Variants in SV2C observed in about 807,000 individuals in gnomAD.
The protein encoded by SV2C is solute carrier family 22 member B3.
A neutral mutation model predicts 79.7 loss-of-function variants in SV2C; 49 were observed. The ratio of observed to expected loss-of-function variants is 0.61; its 90% CI spans 0.49 to 0.78. The LOEUF is 0.78. Ranked by LOEUF, SV2C falls within the 30% of genes least tolerant of loss-of-function variation. SV2C has a pLI of 0.00. For synonymous variants in SV2C, 334 were observed against 333.2 expected (o/e 1.00, Z -0.03); for missense variants, 833 against 912.9 (o/e 0.91, Z 1.13).
intron 10 of SV2C, among the ~76,000 whole-genome samples, chr5:76,300,141 C>T (rs1245563432): frequency 4.4e-5 from 6 of 135,118 alleles, no homozygotes; most frequent in East Asian, 2.2e-4. Context: ...CAGCTCACTG[C>T]GGCCTCAAAT....
In SV2C at chr5:76,332,035, T is replaced by G. The variant is rs1749201942; in HGVS notation, c.*6488T>G. 1 of 152,204 alleles carries G rather than the reference T, an allele frequency of 6.6e-6. No individual in the cohort carries two copies. 9.4% of individuals were successfully genotyped at this position (152,204 alleles called of 1,614,324 possible). On this transcript the variant is annotated 3_prime_UTR_variant, in exon 13 of 13. Coordinates refer to ENST00000502798, the MANE Select transcript of SV2C (RefSeq NM_014979.4). ...TCCTACCTGGGTTCTTGAGATTCATTGGCTAGTGGAGGTAGATGGTACTCT... is the reference window on the plus strand; with the variant it reads ...TCCTACCTGGGTTCTTGAGATTCATGGGCTAGTGGAGGTAGATGGTACTCT...
intron 1 of SV2C, among the ~76,000 whole-genome samples, chr5:76,104,502 G>A (rs764694678): frequency 3.9e-5 from 6 of 152,124 alleles, no homozygotes; most frequent in Non-Finnish European, 7.4e-5. Flanking sequence ...CTTCTGCCTT[G>A]GTCTCCCAAG....
chr5:76,203,929 T>A (rs1207565843), intron 3 of SV2C, among the ~76,000 whole-genome samples: 1 of 152,234 alleles, frequency 6.6e-6, no homozygotes, highest in African/African-American at 2.4e-5. Context: ...ATGAGTTAGG[T>A]TACCAGTATG....
At chr5:76,275,973 G>A (rs1747011889) in intron 4 of SV2C, among the ~76,000 whole-genome samples, 1 of 152,138 alleles carries the variant, frequency 6.6e-6, no homozygotes. Flanking sequence ...AATATAAAAG[G>A]TTCATTTAAA....
At chr5:75,917,758 G>A in the SV2C span, among the ~76,000 whole-genome samples, 2 of 152,052 alleles carry the variant, frequency 1.3e-5, no homozygotes, top group African/African-American at 4.8e-5. Flanking sequence ...TATTTGATAG[G>A]ACAATAGGGT....
chr5:75,902,070 G>A, the SV2C span, among the ~76,000 whole-genome samples: 3 of 152,178 alleles, frequency 2.0e-5, no homozygotes, highest in Admixed American at 6.5e-5. Flanking sequence ...CCCTGCTTCA[G>A]CTCGTGCATG....
the SV2C span, among the ~76,000 whole-genome samples, chr5:75,927,546 C>A: frequency 6.6e-6 from 1 of 151,928 alleles, no homozygotes; most frequent in African/African-American, 2.4e-5. Context: ...TTCTATTACA[C>A]AAGATGAGAA....
chr5:76,091,415 C>G lies in SV2C; in HGVS notation c.-102+7903C>G, dbSNP rs149828075. ...TGTAGTTCTTGTCTCCTGCTCTGGTCCCTGCAGCAACATCACCACAGTGTT... is the reference window on the plus strand; with the variant it reads ...TGTAGTTCTTGTCTCCTGCTCTGGTGCCTGCAGCAACATCACCACAGTGTT... On this transcript the variant is annotated intron_variant, in intron 1 of 12. Transcript: ENST00000502798. 5.9e-4 allele frequency among the ~76,000 whole-genome samples: 90 copies of G among 152,300 alleles called. 1 individual carries two copies. Among genetic ancestry groups the G allele is most frequent in the African/African-American group, 1.9e-3 (80 of 41,566 alleles).
At chr5:75,968,582 G>A in the SV2C span, among the ~76,000 whole-genome samples, 1 of 152,200 alleles carries the variant, frequency 6.6e-6, no homozygotes, top group Admixed American at 6.5e-5. Context: ...ATCAGCAATG[G>A]AAGATGAAAT....
chr5:75,912,460 C>T, the SV2C span, among the ~76,000 whole-genome samples: 1 of 152,072 alleles, frequency 6.6e-6, no homozygotes, highest in East Asian at 1.9e-4. Flanking sequence ...GTACTCTAGC[C>T]TGTGTGACAG....
intron 12 of SV2C, among the ~76,000 whole-genome samples, chr5:76,304,922 A>G (rs1748132586): frequency 6.6e-6 from 1 of 152,202 alleles, no homozygotes; most frequent in South Asian, 2.1e-4. Context: ...AAGAGGTTTA[A>G]TTGGCTCATG....
At chr5:76,223,401 C>G (rs1483953089) in intron 4 of SV2C, among the ~76,000 whole-genome samples, 2 of 134,894 alleles carry the variant, frequency 1.5e-5, no homozygotes, top group Admixed American at 1.5e-4. Context: ...GCACTCCAGC[C>G]TGGGTGACAG....
At chr5:76,223,581 T>C (rs923063556) in intron 4 of SV2C, among the ~76,000 whole-genome samples, 8 of 150,510 alleles carry the variant, frequency 5.3e-5, no homozygotes, top group Non-Finnish European at 1.2e-4. Flanking sequence ...AAATCCTGAT[T>C]TGATACTTGT....
chr5:76,129,286 G>GA (rs34631621), intron 1 of SV2C, among the ~76,000 whole-genome samples: 1 of 152,134 alleles, frequency 6.6e-6, no homozygotes, highest in East Asian at 1.9e-4. Flanking sequence ...AAAGGGCACA[G>GA]AAAAATCTTC....
the SV2C span, among the ~76,000 whole-genome samples, chr5:75,888,057 C>A: frequency 0.045 from 6,886 of 152,068 alleles, 523 homozygotes; most frequent in African/African-American, 0.15. Context: ...AAAGGAGAGT[C>A]AATTTGTATT....
chr5:76,132,154 C>A lies in SV2C; in HGVS notation c.404C>A (p.Ala135Asp). 6.2e-7 allele frequency: 1 copy of A among 1,614,142 alleles called. No homozygotes were observed. The highest frequency in any genetic ancestry group is 8.5e-7 in the Non-Finnish European group (1 of 1,180,032). The change falls in exon 2 of 13, where the codon GCC (alanine) becomes GAC (aspartate). Residue 135 changes from alanine to aspartate, a missense_variant. Coordinates refer to ENST00000502798, the MANE Select transcript of SV2C (RefSeq NM_014979.4). ...SERRADEEEL[A>D]QQYELIIQEC... Reference sequence around the variant, plus strand: ...AGGAGAGCTGACGAGGAAGAGTTAGCCCAGCAGTATGAGCTGATAATCCAA... The same window carrying A: ...AGGAGAGCTGACGAGGAAGAGTTAGACCAGCAGTATGAGCTGATAATCCAA...
At chr5:75,899,313 C>A in the SV2C span, among the ~76,000 whole-genome samples, 1 of 152,154 alleles carries the variant, frequency 6.6e-6, no homozygotes, top group African/African-American at 2.4e-5. Flanking sequence ...TTTCTGCCTT[C>A]ATTTCGTTAT....
intron 4 of SV2C, among the ~76,000 whole-genome samples, chr5:76,242,569 T>C (rs948111109): frequency 6.6e-6 from 1 of 152,164 alleles, no homozygotes. Flanking sequence ...GCTGGCCTCA[T>C]GGCTTCAAGT....
At chr5:76,024,827 G>A in the SV2C span, among the ~76,000 whole-genome samples, 73 of 152,196 alleles carry the variant, frequency 4.8e-4, no homozygotes, top group African/African-American at 1.5e-3. Context: ...TGGGAATAGC[G>A]TATTTTCTAC....
Sources: gnomAD v4.1 joint callset for allele counts (sites outside exome capture counted in the v4.1 genomes callset) on GRCh38, gnomAD v4.1.1 for gene constraint, MANE v1.5 for transcripts, NCBI Gene and HGNC (gene_info 2026-07-23, HGNC 2026-07-21) for gene names.